NRXN3: variants seen among roughly 807,000 people sequenced by gnomAD.
NRXN3 encodes the protein neurexin 3.
NRXN3 carries 32 observed loss-of-function variants against 137.6 expected under a neutral mutation model. The observed-to-expected ratio is 0.23, with a 90% CI of 0.18 to 0.31. NRXN3 has a LOEUF of 0.31. Ranked by LOEUF, NRXN3 falls within the 10% of genes least tolerant of loss-of-function variation. NRXN3 has a pLI of 1.00. For synonymous variants in NRXN3, 798 were observed against 784.5 expected (o/e 1.02, Z -0.29); for missense variants, 1,574 against 2,062.5 (o/e 0.76, Z 4.59).
At position 79,627,188 on chromosome 14, in the gene NRXN3, T is replaced by A. The variant is rs184302252; in HGVS notation, c.3445-36590T>A. 3.3e-5 allele frequency among the ~76,000 whole-genome samples: 5 copies of A among 152,328 alleles called. No individual in the cohort carries two copies. In the East Asian group the frequency reaches 9.6e-4, roughly 29 times the overall value. ...TTGAATAGTGATAGAAATACAGGACTTGCTAAAAATTACAAAGTGTTTATG... is the reference window on the plus strand; with the variant it reads ...TTGAATAGTGATAGAAATACAGGACATGCTAAAAATTACAAAGTGTTTATG... On this transcript the variant is annotated intron_variant, in intron 16 of 20. Coordinates refer to ENST00000335750, the MANE Select transcript of NRXN3 (RefSeq NM_001330195.2).
intron 5 of NRXN3, among the ~76,000 whole-genome samples, chr14:78,649,644 A>G (rs1269205336): frequency 1.3e-5 from 2 of 150,136 alleles, no homozygotes; most frequent in African/African-American, 4.9e-5. Flanking sequence ...CAAGTTACAT[A>G]CTAGGGACAA....
In NRXN3 at chr14:78,589,973, A is replaced by C. The variant is rs184209436; in HGVS notation, c.758-55147A>C. On this transcript the variant is annotated intron_variant, in intron 4 of 20. Coordinates refer to ENST00000335750, the MANE Select transcript of NRXN3 (RefSeq NM_001330195.2). The stretch of plus-strand genomic sequence containing the variant: ...ACTCCGTTTGAAACAAACAAACAAA[A>C]AAACAAACAAACAAACAAACAAAAA... 2.8e-3 allele frequency among the ~76,000 whole-genome samples: 418 copies of C among 150,658 alleles called. 3 individuals are homozygous for C. Among genetic ancestry groups the C allele is most frequent in the African/African-American group, 1.9e-3 (77 of 40,000 alleles).
intron 4 of NRXN3, among the ~76,000 whole-genome samples, chr14:78,417,913 C>T (rs61016995): frequency 0.072 from 10,898 of 152,226 alleles, 1,110 homozygotes; most frequent in African/African-American, 0.23. Context: ...CATGCCACCA[C>T]GCCCAGCTAA....
intron 15 of NRXN3, among the ~76,000 whole-genome samples, chr14:79,131,551 G>T (rs1296468971): frequency 6.6e-6 from 1 of 152,208 alleles, no homozygotes; most frequent in Non-Finnish European, 1.5e-5. Context: ...ATCTCTAGCT[G>T]CATGCTGGGA....
intron 4 of NRXN3, among the ~76,000 whole-genome samples, chr14:78,620,035 A>G (rs1021585549): frequency 6.6e-6 from 1 of 152,148 alleles, no homozygotes; most frequent in African/African-American, 2.4e-5. Flanking sequence ...TGCTTAAGTC[A>G]CCCAGTCTAT....
chr14:78,201,699 A>G (rs1025374681), intron 1 of NRXN3, among the ~76,000 whole-genome samples: 1 of 152,184 alleles, frequency 6.6e-6, no homozygotes, highest in African/African-American at 2.4e-5. Context: ...TTGCTACACG[A>G]AGGAGCTGCT....
chr14:79,329,627 G>A (rs1009783004), intron 15 of NRXN3, among the ~76,000 whole-genome samples: 3 of 152,164 alleles, frequency 2.0e-5, no homozygotes, highest in Admixed American at 6.5e-5. Flanking sequence ...CCAGAATCTG[G>A]TCTGTGGGCC....
Position 79,440,994 on chromosome 14 carries a change from C to T in NRXN3, c.3263-26227C>T, listed in dbSNP as rs371578366. 3.4e-4 allele frequency among the ~76,000 whole-genome samples: 51 copies of T among 152,116 alleles called. 1 individual carries two copies. Among genetic ancestry groups the T allele is most frequent in the African/African-American group, 9.9e-4 (41 of 41,508 alleles). ...GTCGCATAAGAAAATGAATTGAAGT[C>T]GAAGAAATGCTTAGGTTAACCCAAC... On this transcript the variant is annotated intron_variant, in intron 15 of 20. Transcript: ENST00000335750.
intron 1 of NRXN3, among the ~76,000 whole-genome samples, chr14:78,233,281 ATAGT>A (rs766711798): frequency 2.6e-5 from 4 of 152,276 alleles, no homozygotes; most frequent in Admixed American, 6.5e-5. Context: ...TGCTTGGCCA[ATAGT>A]TAGTGAAAAG....
At chr14:79,260,085 C>G (rs553622281) in intron 15 of NRXN3, among the ~76,000 whole-genome samples, 1 of 152,036 alleles carries the variant, frequency 6.6e-6, no homozygotes, top group African/African-American at 2.4e-5. Flanking sequence ...TCAAGTTTTG[C>G]AAATTTATTT....
intron 15 of NRXN3, among the ~76,000 whole-genome samples, chr14:79,291,720 A>AAAC (rs1337309575): frequency 8.9e-4 from 135 of 150,964 alleles, no homozygotes; most frequent in Middle Eastern, 3.5e-3. Flanking sequence ...TGAAAACAGT[A>AAAC]TACTGAAAAC....
intron 19 of NRXN3, among the ~76,000 whole-genome samples, chr14:79,758,323 C>G (rs879373002): frequency 6.6e-5 from 10 of 152,294 alleles, no homozygotes; most frequent in African/African-American, 1.9e-4. Context: ...ACCAGCATCT[C>G]CTTCTGGTGC....
intron 15 of NRXN3, among the ~76,000 whole-genome samples, chr14:79,075,520 T>C (rs2045820488): frequency 6.6e-6 from 1 of 152,206 alleles, no homozygotes; most frequent in African/African-American, 2.4e-5. Context: ...AAATTTCGAC[T>C]TTATAAACTC....
chr14:79,782,470 G>A (rs1568234770), intron 19 of NRXN3, among the ~76,000 whole-genome samples: 1 of 151,972 alleles, frequency 6.6e-6, no homozygotes. Context: ...GAAAAGTATG[G>A]TTATTATGGT....
At chr14:78,950,660 A>G (rs1486380847) in intron 10 of NRXN3, among the ~76,000 whole-genome samples, 1 of 151,950 alleles carries the variant, frequency 6.6e-6, no homozygotes, top group Non-Finnish European at 1.5e-5. Context: ...AAGGAAGGAA[A>G]AAAGGAAGGA....
chr14:78,434,407 A>T (rs749383005), intron 4 of NRXN3, among the ~76,000 whole-genome samples: 1 of 152,126 alleles, frequency 6.6e-6, no homozygotes, highest in Non-Finnish European at 1.5e-5. Context: ...ACATCTAGTC[A>T]TATTGGATTT....
chr14:78,475,062 A>G (rs186640823), intron 4 of NRXN3, among the ~76,000 whole-genome samples: 14 of 152,302 alleles, frequency 9.2e-5, no homozygotes, highest in Admixed American at 9.1e-4. Flanking sequence ...CAAGGTATTG[A>G]CTTCATATCT....
chr14:79,180,267 T>C (rs899287137), intron 15 of NRXN3, among the ~76,000 whole-genome samples: 2 of 152,200 alleles, frequency 1.3e-5, no homozygotes, highest in East Asian at 1.9e-4. Context: ...GAAGGCCTAT[T>C]GCTGCTACCT....
chr14:79,770,999 C>T (rs1189307643), intron 19 of NRXN3, among the ~76,000 whole-genome samples: 1 of 152,152 alleles, frequency 6.6e-6, no homozygotes, highest in South Asian at 2.1e-4. Context: ...ACAAACACCT[C>T]TACTCAAATA....
Sources: gnomAD v4.1 joint callset for allele counts (sites outside exome capture counted in the v4.1 genomes callset) on GRCh38, gnomAD v4.1.1 for gene constraint, MANE v1.5 for transcripts, NCBI Gene and HGNC (gene_info 2026-07-23, HGNC 2026-07-21) for gene names.